SMARCA4: variants seen among roughly 807,000 people sequenced by gnomAD.
SMARCA4 encodes the protein SWI/SNF related BAF chromatin remodeling complex subunit ATPase 4.
Under a neutral mutation model 193.9 loss-of-function variants are expected in SMARCA4, and 31 were observed. The ratio of observed to expected loss-of-function variants is 0.16; its 90% CI spans 0.12 to 0.22. The LOEUF (loss-of-function observed/expected upper bound fraction) is 0.22. Among genes scored for constraint, SMARCA4 ranks in the 10% least tolerant of loss-of-function variants. The probability of loss-of-function intolerance (pLI) is 1.00; values close to 1 mark genes in which losing one functional copy is unlikely to be tolerated. For synonymous variants in SMARCA4, 942 were observed against 933.1 expected, an observed-to-expected ratio of 1.01 and a Z score of -0.17; for missense variants, 1,148 against 2,296.0, an observed-to-expected ratio of 0.50 and a Z score of 10.22.
chr19:11,030,992 C>A lies in SMARCA4; in HGVS notation c.3546+99C>A. On this transcript the variant is annotated intron_variant, in intron 25 of 34. Coordinates refer to ENST00000344626, the MANE Select transcript of SMARCA4 (RefSeq NM_003072.5). This position sits in a 1 kb window ranked among gnomAD's most constrained non-coding sequence, Gnocchi z 5.5. ...CTTGAGGGTCCTCCAGCCTCCTCCA[C>A]ATTGTCTTGGACCCCAGGAGCCGGG... 2 of 1,156,702 alleles carry A rather than the reference C, an allele frequency of 1.7e-6. No individual in the cohort carries two copies. The highest frequency in any genetic ancestry group is 2.5e-6 in the Non-Finnish European group (2 of 797,196). 71.7% of individuals were successfully genotyped at this position (1,156,702 alleles called of 1,614,324 possible).
rs989644295 is a variant in SMARCA4, at chr19:11,031,031, A to G, written c.3546+138A>G. 1.5e-5 allele frequency: 12 copies of G among 784,356 alleles called. No homozygotes were observed. Among genetic ancestry groups the G allele is most frequent in the East Asian group, 5.3e-5 (2 of 37,582 alleles). The allele number at this position is 784,356 out of a possible 1,614,324, so 48.6% of individuals were successfully genotyped here. On this transcript the variant is annotated intron_variant, in intron 25 of 34. Coordinates refer to ENST00000344626, the MANE Select transcript of SMARCA4 (RefSeq NM_003072.5). This position sits in a 1 kb window ranked among gnomAD's most constrained non-coding sequence, Gnocchi z 4.3. ...CCAGGAGCCGGGAGGAGCTGCACCCATATCTCCATAGGTCATCAGGGAGAA... is the reference window on the plus strand; with the variant it reads ...CCAGGAGCCGGGAGGAGCTGCACCCGTATCTCCATAGGTCATCAGGGAGAA...
intron 19 of SMARCA4, 143 bp downstream of exon 19, chr19:11,022,110 C>A: frequency 7.6e-7 from 1 of 1,307,892 alleles, no homozygotes; most frequent in Admixed American, 1.8e-5. Context: ...AGCAGGGGAG[C>A]CCTGGAACCC....
intron 30 of SMARCA4, among the ~76,000 whole-genome samples, chr19:11,047,344 A>G (rs2075995871): frequency 6.6e-6 from 1 of 151,876 alleles, no homozygotes; most frequent in Non-Finnish European, 1.5e-5. Context: ...AGTTGAAGAC[A>G]GCGCTGATGT....
Position 10,984,205 on chromosome 19 carries a change from G to GGGCCCTGGCCCTTCCCCT in SMARCA4, c.57_74dup (p.Pro20_Gly25dup). ...GAACTCCTCGGCCAGGTCCTTCCCC[G>GGGCCCTGGCCCTTCCCCT]GGCCCTGGCCCTTCCCCTGGAGCCA... On this transcript the variant is annotated inframe_insertion, in exon 2 of 35. Transcript: ENST00000344626. This position sits in a 1 kb window ranked among gnomAD's most constrained non-coding sequence, Gnocchi z 4.3. 6.2e-7 allele frequency: 1 copy of GGGCCCTGGCCCTTCCCCT among 1,612,374 alleles called. No homozygotes were observed. The highest frequency in any genetic ancestry group is 8.5e-7 in the Non-Finnish European group (1 of 1,178,978).
At chr19:11,012,721 C>T (rs1316082473) in intron 15 of SMARCA4, 2 of 586,316 alleles carry the variant, frequency 3.4e-6, no homozygotes, top group South Asian at 1.8e-5. Flanking sequence ...ACGTGTCCAT[C>T]GTTCGCACAG....
intron 6 of SMARCA4, among the ~76,000 whole-genome samples, chr19:10,988,900 C>T (rs931739227): frequency 3.9e-5 from 6 of 152,180 alleles, no homozygotes; most frequent in South Asian, 2.1e-4. Context: ...ATGTAACCTT[C>T]GTAACCTTCA....
chr19:11,011,020 T>C lies in SMARCA4; in HGVS notation c.2274+489T>C, dbSNP rs2088785181. ...TGGACTCCGCTCTTTCTTCTGGGGATGAGGTAGCAGGTCCTGTGTGAGGGT... is the reference window on the plus strand; with the variant it reads ...TGGACTCCGCTCTTTCTTCTGGGGACGAGGTAGCAGGTCCTGTGTGAGGGT... On this transcript the variant is annotated intron_variant, in intron 15 of 34. Coordinates refer to ENST00000344626, the MANE Select transcript of SMARCA4 (RefSeq NM_003072.5). 9 of 243,704 alleles carry C rather than the reference T, an allele frequency of 3.7e-5. No homozygotes were observed. In the South Asian group the frequency reaches 4.9e-4, roughly 13 times the overall value. The allele number at this position is 243,704 out of a possible 1,614,324, so 15.1% of individuals were successfully genotyped here.
chr19:10,967,337 C>T (rs1203253565), intron 1 of SMARCA4, among the ~76,000 whole-genome samples: 2 of 151,614 alleles, frequency 1.3e-5, no homozygotes, highest in East Asian at 1.9e-4. Context: ...TGGAGTCTTG[C>T]TCTCTCTCTG....
At chr19:11,022,843 C>T (rs1307309615) in intron 19 of SMARCA4, among the ~76,000 whole-genome samples, 1 of 152,206 alleles carries the variant, frequency 6.6e-6, no homozygotes, top group Non-Finnish European at 1.5e-5. Context: ...CCCGGGACCC[C>T]CACACTAAGG....
intron 19 of SMARCA4, 138 bp downstream of exon 19, chr19:11,022,105 G>T: frequency 7.4e-7 from 1 of 1,353,732 alleles, no homozygotes; most frequent in East Asian, 2.3e-5. Context: ...CATGGAGCAG[G>T]GGAGCCCTGG....
At chr19:10,961,781 G>T (rs921712134) in intron 1 of SMARCA4, 3 of 152,228 alleles carry the variant, frequency 2.0e-5, no homozygotes, top group African/African-American at 7.2e-5. Context: ...ATGTTTGCCC[G>T]AATTGGGGTT....
chr19:10,989,047 C>T lies in SMARCA4; in HGVS notation c.1119-270C>T, dbSNP rs548417261. ...TGCATGAAAACCTTGGCCCGCCTGA[C>T]GCCAGAACCTGGCTCACACCACTGA... On this transcript the variant is annotated intron_variant, in intron 6 of 34. Coordinates refer to ENST00000344626, the MANE Select transcript of SMARCA4 (RefSeq NM_003072.5). Among the ~76,000 whole-genome samples, 6 of 152,364 alleles carry T rather than the reference C, an allele frequency of 3.9e-5. No individual in the cohort carries two copies. In the East Asian group the frequency reaches 5.8e-4, roughly 15 times the overall value.
intron 30 of SMARCA4, among the ~76,000 whole-genome samples, chr19:11,044,878 A>C (rs2075811720): frequency 6.6e-6 from 1 of 152,228 alleles, no homozygotes. Context: ...ATAATCTCCC[A>C]AAACAAGAAT....
intron 1 of SMARCA4, among the ~76,000 whole-genome samples, chr19:10,976,971 C>T (rs139317923): frequency 0.03 from 4,588 of 151,950 alleles, 101 homozygotes; most frequent in Non-Finnish European, 0.041. Flanking sequence ...GCAGGAGAAT[C>T]GCTTGAACCT....
rs772345249 is a variant in SMARCA4, at chr19:11,046,816, C to T, written c.4424+5256C>T. Among the ~76,000 whole-genome samples, 10 of 151,976 alleles carry T rather than the reference C, an allele frequency of 6.6e-5. No individual in the cohort carries two copies. The East Asian group carries it at 1.2e-3, about 18-fold the overall frequency. On this transcript the variant is annotated intron_variant, in intron 30 of 34. Coordinates refer to ENST00000344626, the MANE Select transcript of SMARCA4 (RefSeq NM_003072.5). The stretch of plus-strand genomic sequence containing the variant: ...GCAAAAAATACAAAAATTAGCCAGG[C>T]GTGGTGGTGCACTCCTGTTGACTCA...
chr19:11,027,608 TG>T, intron 23 of SMARCA4, 175 bp from the exon 24 acceptor site: 2 of 721,978 alleles, frequency 2.8e-6, no homozygotes, highest in Non-Finnish European at 4.9e-6. Flanking sequence ...TTATTTCAGT[TG>T]GGGGAAATGG....
chr19:11,052,303 G>A (rs1427725024), intron 30 of SMARCA4, among the ~76,000 whole-genome samples: 2 of 152,226 alleles, frequency 1.3e-5, no homozygotes, highest in African/African-American at 4.8e-5. Context: ...ATATCCACCT[G>A]TAGTCCCAGC....
chr19:10,995,967 T>A, intron 9 of SMARCA4: 2 of 589,080 alleles, frequency 3.4e-6, no homozygotes, highest in Non-Finnish European at 6.3e-6. Context: ...TAGGACTGGC[T>A]CATGGCCTCT....
chr19:11,027,718 T>C (rs2090365132), intron 23 of SMARCA4, 66 bp from the exon 24 acceptor site: 5 of 1,587,944 alleles, frequency 3.1e-6, no homozygotes, highest in Non-Finnish European at 4.3e-6. Flanking sequence ...ACCTCCTGCC[T>C]TACCTGCCTG....
Sources: allele counts gnomAD v4.1 joint callset (sites outside exome capture counted in the v4.1 genomes callset), GRCh38; gene constraint gnomAD v4.1.1; non-coding constraint Gnocchi (gnomAD v3.1); transcripts MANE v1.5; gene names NCBI Gene and HGNC (gene_info 2026-07-23, HGNC 2026-07-21).